RASSF9: variants seen among roughly 807,000 people sequenced by gnomAD.
RASSF9 encodes ras association domain-containing protein 9.
RASSF9 carries 18 observed loss-of-function variants against 21.4 expected under a neutral mutation model. The observed-to-expected ratio is 0.84, with a 90% CI of 0.58 to 1.25. RASSF9 has a LOEUF of 1.25. Among genes scored for constraint, RASSF9 ranks in the 50% most tolerant of loss-of-function variants. RASSF9 has a pLI of 0.00. For missense variants in RASSF9, 480 were observed against 503.2 expected (o/e 0.95, Z 0.44); for synonymous variants, 183 against 179.1 (o/e 1.02, Z -0.18).
intron 1 of RASSF9, among the ~76,000 whole-genome samples, chr12:85,831,317 C>A (rs773340580): frequency 1.3e-5 from 2 of 151,966 alleles, no homozygotes; most frequent in Non-Finnish European, 2.9e-5. Context: ...TGTTAGACAG[C>A]TTCAAACTTT....
intron 1 of RASSF9, among the ~76,000 whole-genome samples, chr12:85,812,458 C>A (rs552752701): frequency 6.6e-6 from 1 of 150,748 alleles, no homozygotes; most frequent in African/African-American, 2.4e-5. Flanking sequence ...AATTTAATAT[C>A]CCCTGAAATA....
intron 1 of RASSF9, among the ~76,000 whole-genome samples, chr12:85,832,855 T>G (rs1880479615): frequency 6.6e-6 from 1 of 151,940 alleles, no homozygotes; most frequent in South Asian, 2.1e-4. Flanking sequence ...AGCAACAGAT[T>G]CTCTTAAAAC....
chr12:85,813,710 T>C (rs1442938647), intron 1 of RASSF9, among the ~76,000 whole-genome samples: 2 of 151,890 alleles, frequency 1.3e-5, no homozygotes, highest in Non-Finnish European at 1.5e-5. Flanking sequence ...AAATTTTATA[T>C]ATAAAACTTA....
rs769371038 is a variant in RASSF9 at position 85,804,777 on chromosome 12, C to T, written c.1233G>A (p.Ser411=). The T allele has an allele frequency of 1.1e-5, 18 of 1,613,738 alleles. No homozygotes were observed. Among genetic ancestry groups the T allele is most frequent in the East Asian group, 4.5e-5 (2 of 44,874 alleles). The part of the protein sequence containing the change: ...VFSNYTNDTD[S]DTGISSNHSQ... ...TGTGGTTAGAACTGATACCAGTGTC[C>T]GAGTCTGTGTCATTTGTGTAATTGC... Residue 411 remains serine, a synonymous_variant, in exon 2 of 2, where the codon TCG becomes TCA. Coordinates refer to ENST00000361228, the MANE Select transcript of RASSF9 (RefSeq NM_005447.4).
At position 85,804,559 on chromosome 12, in the gene RASSF9, C is replaced by G; in HGVS notation, c.*143G>C. On this transcript the variant is annotated 3_prime_UTR_variant, in exon 2 of 2. Transcript: ENST00000361228. ...TCCTTTGGAAATTTCACATCAGAAA[C>G]AACACATTTCTCGAGTTTTTATTAA... The G allele has an allele frequency of 1.2e-6, 1 of 832,634 alleles. No homozygotes were observed. Among genetic ancestry groups the G allele is most frequent in the East Asian group, 2.9e-5 (1 of 34,210 alleles). The allele number at this position is 832,634 out of a possible 1,614,324, so 51.6% of individuals were successfully genotyped here.
intron 1 of RASSF9, among the ~76,000 whole-genome samples, chr12:85,833,261 A>C (rs575523237): frequency 1.4e-4 from 22 of 152,030 alleles, no homozygotes; most frequent in African/African-American, 3.6e-4. Flanking sequence ...ATAGAGAATA[A>C]AATAATTAGT....
intron 1 of RASSF9, among the ~76,000 whole-genome samples, chr12:85,834,121 T>C (rs1422159184): frequency 6.6e-6 from 1 of 152,064 alleles, no homozygotes; most frequent in East Asian, 1.9e-4. Context: ...CTCTGTGATC[T>C]TTTCACTGCT....
In RASSF9 at chr12:85,802,650, T is replaced by C. The variant is rs1430225803; in HGVS notation, c.*2052A>G. ...GAACCTCTTGAATTCAGATAATTAGTCAAATAGATAAGCATGTTCTTTCAG... is the reference window on the plus strand; with the variant it reads ...GAACCTCTTGAATTCAGATAATTAGCCAAATAGATAAGCATGTTCTTTCAG... On this transcript the variant is annotated 3_prime_UTR_variant, in exon 2 of 2. Coordinates refer to ENST00000361228, the MANE Select transcript of RASSF9 (RefSeq NM_005447.4). The C allele has an allele frequency of 6.6e-6, 1 of 152,140 alleles. No individual in the cohort carries two copies. 9.4% of individuals were successfully genotyped at this position (152,140 alleles called of 1,614,324 possible). A position where few individuals can be genotyped will look rare whatever the true frequency, so the allele number is the denominator to read the frequency against.
intron 1 of RASSF9, among the ~76,000 whole-genome samples, chr12:85,806,965 A>G (rs182602698): frequency 2.6e-5 from 4 of 152,274 alleles, no homozygotes; most frequent in Admixed American, 2.6e-4. Flanking sequence ...ATATAGTAAT[A>G]AACAAAGAAG....
chr12:85,830,808 T>TA (rs1358571061), intron 1 of RASSF9, among the ~76,000 whole-genome samples: 1 of 152,132 alleles, frequency 6.6e-6, no homozygotes, highest in Non-Finnish European at 1.5e-5. Flanking sequence ...CTTTCAATTT[T>TA]ATCCAACAAA....
intron 1 of RASSF9, among the ~76,000 whole-genome samples, chr12:85,814,104 C>A (rs1375489301): frequency 6.6e-6 from 1 of 152,012 alleles, no homozygotes; most frequent in Non-Finnish European, 1.5e-5. Flanking sequence ...GTGATGGAAA[C>A]TTCCATCAGA....
intron 1 of RASSF9, 124 bp downstream of exon 1, chr12:85,836,031 C>T (rs1880554260): frequency 2.4e-5 from 37 of 1,521,310 alleles, no homozygotes; most frequent in Non-Finnish European, 3.3e-5. Flanking sequence ...CCCCACGAAG[C>T]CTTTTTTTAT....
At chr12:85,806,330 G>A (rs1316450689) in intron 1 of RASSF9, among the ~76,000 whole-genome samples, 2 of 150,554 alleles carry the variant, frequency 1.3e-5, no homozygotes, top group African/African-American at 2.4e-5. Flanking sequence ...GATTACAGGC[G>A]TGAGCCACTG....
At chr12:85,809,254 A>G (rs1879899311) in intron 1 of RASSF9, among the ~76,000 whole-genome samples, 1 of 152,162 alleles carries the variant, frequency 6.6e-6, no homozygotes, top group Non-Finnish European at 1.5e-5. Context: ...TAATTTAGAT[A>G]TGTGGATTAA....
intron 1 of RASSF9, among the ~76,000 whole-genome samples, chr12:85,809,157 A>ATAAGC: frequency 6.6e-6 from 1 of 152,174 alleles, no homozygotes; most frequent in Non-Finnish European, 1.5e-5. Flanking sequence ...TGAGTGGTAC[A>ATAAGC]ATGAAGGTTC....
chr12:85,814,571 A>G (rs898546181), intron 1 of RASSF9, among the ~76,000 whole-genome samples: 2 of 152,048 alleles, frequency 1.3e-5, no homozygotes, highest in Non-Finnish European at 2.9e-5. Context: ...TATTAAAGCA[A>G]AAATAGCAAG....
intron 1 of RASSF9, among the ~76,000 whole-genome samples, chr12:85,831,084 G>A (rs1446226418): frequency 6.6e-6 from 1 of 152,048 alleles, no homozygotes; most frequent in African/African-American, 2.4e-5. Flanking sequence ...AAGAGGCAAA[G>A]AGATTCCTTG....
chr12:85,826,323 T>A (rs1268695962), intron 1 of RASSF9, among the ~76,000 whole-genome samples: 1 of 152,186 alleles, frequency 6.6e-6, no homozygotes, highest in Non-Finnish European at 1.5e-5. Flanking sequence ...ATGCACTGAA[T>A]TTTGAATTCC....
In RASSF9 at chr12:85,805,531, A is replaced by C. The variant is rs749195268; in HGVS notation, c.479T>G (p.Ile160Arg). 3.1e-6 allele frequency: 5 copies of C among 1,613,856 alleles called. No homozygotes were observed. The South Asian group carries it at 3.3e-5, about 11-fold the overall frequency. Residue 160 changes from isoleucine to arginine, a missense_variant, in exon 2 of 2, where the codon ATA (isoleucine) becomes AGA (arginine). Ile to Arg is a moderately conservative substitution (Grantham distance 97). Transcript: ENST00000361228. Reference protein sequence around the residue: ...KTLPPDKQKRIVRKTFRKLAK... With the variant: ...KTLPPDKQKRRVRKTFRKLAK... The stretch of plus-strand genomic sequence containing the variant: ...CAGTTTCCGGAAAGTTTTCCTGACT[A>C]TTCTTTTTTGTTTATCTGGTGGTAA...
Sources: allele counts gnomAD v4.1 joint callset (sites outside exome capture counted in the v4.1 genomes callset), GRCh38; gene constraint gnomAD v4.1.1; transcripts MANE v1.5; gene names NCBI Gene and HGNC (gene_info 2026-07-23, HGNC 2026-07-21).